The following KCNC4 variants were observed in gnomAD, a reference collection of about 807,000 sequenced individuals.
KCNC4 encodes the protein potassium voltage-gated channel subfamily C member 4.
Under a neutral mutation model 42.8 loss-of-function variants are expected in KCNC4, and 23 were observed. The ratio of observed to expected loss-of-function variants is 0.54; its 90% CI spans 0.39 to 0.76. The LOEUF (loss-of-function observed/expected upper bound fraction) is 0.76. KCNC4 is among the 30% of genes least tolerant of loss of function. KCNC4 has a pLI of 0.00. For missense variants in KCNC4, 751 were observed against 898.2 expected (o/e 0.84, Z 2.10); for synonymous variants, 422 against 393.5 (o/e 1.07, Z -0.86).
intron 1 of KCNC4, among the ~76,000 whole-genome samples, chr1:110,212,795 A>C (rs1657564330): frequency 6.6e-6 from 1 of 152,160 alleles, no homozygotes; most frequent in Admixed American, 6.5e-5. Flanking sequence ...TCTGCCAGGG[A>C]GGATACCATG....
intron 3 of KCNC4, among the ~76,000 whole-genome samples, chr1:110,227,729 T>C (rs780873569): frequency 1.3e-5 from 2 of 152,124 alleles, no homozygotes; most frequent in Non-Finnish European, 2.9e-5. Context: ...CACACAGAGC[T>C]GAGTGCCACG....
At position 110,223,366 on chromosome 1, in the gene KCNC4, A is replaced by G; in HGVS notation, c.1081A>G (p.Thr361Ala). 1 of 1,613,798 alleles carries G rather than the reference A, an allele frequency of 6.2e-7. No homozygotes were observed. Among genetic ancestry groups the G allele is most frequent in the Non-Finnish European group, 8.5e-7 (1 of 1,179,832 alleles). Residue 361 changes from threonine (T) to alanine (A), a missense_variant, in exon 2 of 4, where the codon ACA becomes GCA. Transcript: ENST00000438661. This position sits in a 1 kb window ranked among gnomAD's most constrained non-coding sequence, Gnocchi z 7.5. ...GCGCATCCTGCGTATCTTCAAGCTC[A>G]CACGCCACTTCGTGGGGCTACGCGT... ...FVRILRIFKL[T>A]RHFVGLRVLG...
chr1:110,230,192 G>C (rs1360900633), intron 3 of KCNC4, among the ~76,000 whole-genome samples: 1 of 152,348 alleles, frequency 6.6e-6, no homozygotes, highest in East Asian at 1.9e-4. Context: ...CCCCCACCCT[G>C]CAGTGGTTTG....
At chr1:110,256,456 G>A (rs1659333417) in intron 1 of KCNC4, among the ~76,000 whole-genome samples, 1 of 152,218 alleles carries the variant, frequency 6.6e-6, no homozygotes, top group South Asian at 2.1e-4. Context: ...TTGTAGTGGA[G>A]CAAGGCCAAG....
chr1:110,232,807 T>G (rs1305746548), intron 3 of KCNC4, 104 bp from the exon 4 acceptor site: 2 of 1,547,342 alleles, frequency 1.3e-6, no homozygotes, highest in Non-Finnish European at 8.7e-7. Flanking sequence ...ATTCTTTGTT[T>G]CTCCCTTTCT....
intron 1 of KCNC4, among the ~76,000 whole-genome samples, chr1:110,213,169 C>CAAAAAA (rs1557851520): frequency 5.6e-5 from 1 of 17,772 alleles, no homozygotes; most frequent in African/African-American, 5.2e-4. Flanking sequence ...GCTTCGACAG[C>CAAAAAA]TAAAAAAAAA....
At chr1:110,213,170 T>TTAAAAA (rs1657589260) in intron 1 of KCNC4, among the ~76,000 whole-genome samples, 2 of 50,850 alleles carry the variant, frequency 3.9e-5, no homozygotes, top group Admixed American at 2.6e-4. Flanking sequence ...CTTCGACAGC[T>TTAAAAA]AAAAAAAAAA....
At position 110,269,665 on chromosome 1, in the gene KCNC4, C is replaced by T. The variant is rs143891124; in HGVS notation, n.31-12869C>T. Among the ~76,000 whole-genome samples, 16 of 151,888 alleles carry T rather than the reference C, an allele frequency of 1.1e-4. 1 individual carries two copies. In the East Asian group the frequency reaches 2.7e-3, roughly 26 times the overall value. ...ATTTCTCCTGGTAAATACCTAGGAA[C>T]GGGATTTATGAGTTGTAAGGTAAGT... is the stretch of plus-strand genomic sequence containing the variant. On this transcript the variant is annotated intron_variant and non_coding_transcript_variant, in intron 1 of 2. Coordinates refer to the KCNC4 transcript ENST00000412512.
At chr1:110,220,490 T>TCC in intron 1 of KCNC4, 2 of 59,444 alleles carry the variant, frequency 3.4e-5, no homozygotes, top group Non-Finnish European at 7.3e-5. Flanking sequence ...TCCCTCCCTC[T>TCC]GCTCACCCTC....
chr1:110,210,552 C>A lies in KCNC4; in HGVS notation c.-948C>A, dbSNP rs1291651054. On this transcript the variant is annotated 5_prime_UTR_variant, in exon 1 of 4. Transcript: ENST00000438661. The stretch of plus-strand genomic sequence containing the variant: ...GTTGCGCTGAGGCTCCCTCTCCGCG[C>A]GGCCCGGGAAGCCTGCAGGTGTCCT... Among the ~76,000 whole-genome samples, 1 of 151,552 alleles carries A rather than the reference C, an allele frequency of 6.6e-6. No individual in the cohort carries two copies. Among genetic ancestry groups the A allele is most frequent in the Non-Finnish European group, 1.5e-5 (1 of 67,834 alleles).
intron 2 of KCNC4, 50 bp from the exon 3 acceptor site, chr1:110,225,924 CA>C (rs1464489096): frequency 2.0e-6 from 3 of 1,503,452 alleles, no homozygotes; most frequent in Non-Finnish European, 2.7e-6. Context: ...GACCCATGAG[CA>C]AGGCTCAGGT....
chr1:110,278,644 G>A (rs951368150), intron 1 of KCNC4, among the ~76,000 whole-genome samples: 3 of 152,048 alleles, frequency 2.0e-5, no homozygotes, highest in Non-Finnish European at 4.4e-5. Context: ...TTAATGGCAA[G>A]GCCCAAAATT....
At chr1:110,257,411 C>T (rs1315390620) in intron 1 of KCNC4, among the ~76,000 whole-genome samples, 2 of 148,786 alleles carry the variant, frequency 1.3e-5, no homozygotes, top group East Asian at 1.9e-4. Flanking sequence ...CCTCCCCTGC[C>T]GCAAAAAAAA....
At position 110,211,661 on chromosome 1, in the gene KCNC4, G is replaced by C; in HGVS notation, c.162G>C (p.Leu54=). The part of the protein sequence containing the change: ...GTRHETYRST[L]RTLPGTRLAW... ...GACATGAGACCTACCGCAGCACCCT[G>C]CGCACCCTACCGGGAACCCGCCTCG... The change falls in exon 1 of 4, where the codon CTG becomes CTC. Residue 54 remains leucine (L), a synonymous_variant. Transcript: ENST00000438661. This position sits in a 1 kb window ranked among gnomAD's most constrained non-coding sequence, Gnocchi z 6.5. 1 of 1,613,358 alleles carries C rather than the reference G, an allele frequency of 6.2e-7. No individual in the cohort carries two copies. Among genetic ancestry groups the C allele is most frequent in the East Asian group, 2.2e-5 (1 of 44,850 alleles).
chr1:110,210,380 G>A lies in KCNC4; in HGVS notation c.-1120G>A, dbSNP rs1397832602. On this transcript the variant is annotated 5_prime_UTR_variant, in exon 1 of 4. Coordinates refer to ENST00000438661, the MANE Select transcript of KCNC4 (RefSeq NM_001039574.3). ...TGAGCCCCTAGGGCCCCAGCCCACC[G>A]GCGCCGAGGCGCCCCCTCCCCTATG... is the stretch of plus-strand genomic sequence containing the variant. Among the ~76,000 whole-genome samples the A allele has an allele frequency of 6.6e-6, 1 of 151,610 alleles. No homozygotes were observed. Among genetic ancestry groups the A allele is most frequent in the Non-Finnish European group, 1.5e-5 (1 of 67,828 alleles).
intron 1 of KCNC4, among the ~76,000 whole-genome samples, chr1:110,217,975 A>G (rs1308478702): frequency 1.3e-5 from 2 of 152,214 alleles, no homozygotes; most frequent in Admixed American, 6.5e-5. Flanking sequence ...CCCTCACCCC[A>G]TCCCCACAGA....
chr1:110,235,812 CT>C (rs988569021), downstream of KCNC4: 7 of 152,238 alleles, frequency 4.6e-5, no homozygotes, highest in African/African-American at 1.7e-4. Flanking sequence ...ATAAGACAGA[CT>C]TTTGAAGTCA....
downstream of KCNC4, among the ~76,000 whole-genome samples, chr1:110,252,516 C>T (rs1044613197): frequency 6.6e-6 from 1 of 152,154 alleles, no homozygotes; most frequent in African/African-American, 2.4e-5. Flanking sequence ...ACAGATGGAA[C>T]TTGCCTGGAT....
chr1:110,222,886 T>C, intron 1 of KCNC4, 78 bp from the exon 2 acceptor site: 2 of 1,067,128 alleles, frequency 1.9e-6, no homozygotes, highest in South Asian at 2.9e-5. Flanking sequence ...GTAACCTTCA[T>C]GCAGAAGTCC....
Sources: allele counts gnomAD v4.1 joint callset (sites outside exome capture counted in the v4.1 genomes callset), GRCh38; gene constraint gnomAD v4.1.1; non-coding constraint Gnocchi (gnomAD v3.1); transcripts MANE v1.5; gene names NCBI Gene and HGNC (gene_info 2026-07-23, HGNC 2026-07-21).